ELAVL2: variants seen among roughly 807,000 people sequenced by gnomAD.
ELAVL2 encodes ELAV-like protein 2.
ELAVL2 carries 4 observed loss-of-function variants against 34.6 expected under a neutral mutation model. The observed-to-expected ratio is 0.12, with a 90% CI of 0.06 to 0.26. ELAVL2 has a LOEUF of 0.26. Ranked by LOEUF, ELAVL2 falls within the 10% of genes least tolerant of loss-of-function variation. The pLI, the probability that ELAVL2 is intolerant of heterozygous loss-of-function variation, is 1.00. For synonymous variants in ELAVL2, 193 were observed against 154.8 expected (o/e 1.25, Z -1.83); for missense variants, 432 against 442.8 (o/e 0.98, Z 0.22).
At chr9:23,766,511 C>T (rs1320062800) in intron 1 of ELAVL2, among the ~76,000 whole-genome samples, 2 of 152,072 alleles carry the variant, frequency 1.3e-5, no homozygotes, top group Non-Finnish European at 2.9e-5. Flanking sequence ...TTAACTGCCT[C>T]AGTCCCTTCT....
intron 1 of ELAVL2, among the ~76,000 whole-genome samples, chr9:23,764,720 A>C (rs1372643062): frequency 6.6e-6 from 1 of 152,094 alleles, no homozygotes; most frequent in African/African-American, 2.4e-5. Context: ...ACCATACCAA[A>C]ACTTTTTTTG....
intron 1 of ELAVL2, among the ~76,000 whole-genome samples, chr9:23,775,491 G>A (rs1160641393): frequency 1.3e-5 from 2 of 152,166 alleles, no homozygotes; most frequent in Non-Finnish European, 2.9e-5. Flanking sequence ...AATCAGTGCT[G>A]AGACCCCATC....
At chr9:23,835,399 C>A in the ELAVL2 span, among the ~76,000 whole-genome samples, 1 of 152,064 alleles carries the variant, frequency 6.6e-6, no homozygotes, top group Non-Finnish European at 1.5e-5. Flanking sequence ...CTACTTATCA[C>A]TCACCTCTCC....
intron 1 of ELAVL2, chr9:23,779,411 G>A (rs1191361723): frequency 6.1e-6 from 6 of 985,364 alleles, no homozygotes; most frequent in Non-Finnish European, 7.2e-6. Context: ...TTATAGCACA[G>A]CAATGGAAGA....
chr9:23,730,457 C>T (rs1248223961), intron 3 of ELAVL2, among the ~76,000 whole-genome samples: 2 of 152,084 alleles, frequency 1.3e-5, no homozygotes, highest in Non-Finnish European at 2.9e-5. Context: ...TTGTATAACC[C>T]ATGAGCTAAG....
chr9:23,789,006 C>T (rs1164761747), intron 1 of ELAVL2, among the ~76,000 whole-genome samples: 1 of 152,190 alleles, frequency 6.6e-6, no homozygotes, highest in African/African-American at 2.4e-5. Context: ...GGAGGAACTA[C>T]TGCCATCCAA....
chr9:23,780,017 A>C (rs1191034993), intron 1 of ELAVL2, among the ~76,000 whole-genome samples: 18 of 97,708 alleles, frequency 1.8e-4, no homozygotes, highest in African/African-American at 6.9e-4. Context: ...AAAAAAAAAA[A>C]AAAAAAAAAA....
At chr9:23,705,606 A>T (rs2039062603) in intron 3 of ELAVL2, among the ~76,000 whole-genome samples, 1 of 152,172 alleles carries the variant, frequency 6.6e-6, no homozygotes, top group South Asian at 2.1e-4. Context: ...GGTTTTGTGG[A>T]AGACAATTTT....
At chr9:23,847,736 A>T in the ELAVL2 span, among the ~76,000 whole-genome samples, 1 of 152,140 alleles carries the variant, frequency 6.6e-6, no homozygotes, top group Admixed American at 6.5e-5. Context: ...ATTGGCACAG[A>T]ATTATGGTGA....
intron 1 of ELAVL2, among the ~76,000 whole-genome samples, chr9:23,818,004 T>TAG (rs1220125901): frequency 2.0e-5 from 3 of 152,198 alleles, no homozygotes; most frequent in African/African-American, 7.2e-5. Flanking sequence ...ATAAACCGTC[T>TAG]AGTATCTCGA....
intron 2 of ELAVL2, among the ~76,000 whole-genome samples, chr9:23,745,623 C>G (rs892546696): frequency 5.3e-4 from 80 of 152,256 alleles, no homozygotes; most frequent in African/African-American, 1.8e-3. Flanking sequence ...GTCCAAAAAC[C>G]TAATGATGAC....
intron 3 of ELAVL2, among the ~76,000 whole-genome samples, chr9:23,729,454 AG>A (rs1447759153): frequency 6.6e-6 from 1 of 152,178 alleles, no homozygotes; most frequent in East Asian, 1.9e-4. Context: ...GTTACTTAAT[AG>A]TACTAGTAAA....
chr9:23,771,815 T>G (rs560334991), intron 1 of ELAVL2, among the ~76,000 whole-genome samples: 1 of 152,304 alleles, frequency 6.6e-6, no homozygotes, highest in Admixed American at 6.5e-5. Context: ...AATCTGTATT[T>G]TTCAACAGGG....
intron 3 of ELAVL2, among the ~76,000 whole-genome samples, chr9:23,721,322 T>C (rs1419169478): frequency 6.6e-6 from 1 of 152,210 alleles, no homozygotes; most frequent in African/African-American, 2.4e-5. Flanking sequence ...TCTCAATGAC[T>C]CTTTCTAGGA....
chr9:23,746,909 T>C (rs180869490), intron 2 of ELAVL2, among the ~76,000 whole-genome samples: 96 of 151,826 alleles, frequency 6.3e-4, no homozygotes, highest in African/African-American at 2.3e-3. Flanking sequence ...CAACAAATCA[T>C]TAGTGGACCA....
chr9:23,808,396 T>G (rs971729326), intron 1 of ELAVL2, among the ~76,000 whole-genome samples: 2 of 152,140 alleles, frequency 1.3e-5, no homozygotes, highest in Non-Finnish European at 2.9e-5. Flanking sequence ...ATGTGGCATA[T>G]AGCAAGATCA....
At chr9:23,837,593 G>C in the ELAVL2 span, among the ~76,000 whole-genome samples, 1 of 152,148 alleles carries the variant, frequency 6.6e-6, no homozygotes, top group African/African-American at 2.4e-5. Flanking sequence ...AATTAAAAGA[G>C]CTGGGATTTC....
chr9:23,703,685 T>C (rs1020808198), intron 4 of ELAVL2, among the ~76,000 whole-genome samples: 2 of 152,196 alleles, frequency 1.3e-5, no homozygotes, highest in South Asian at 2.1e-4. Flanking sequence ...CTGAAGTCAC[T>C]GCTTTAAAAG....
chr9:23,724,135 T>C (rs1008543687), intron 3 of ELAVL2, among the ~76,000 whole-genome samples: 1 of 152,198 alleles, frequency 6.6e-6, no homozygotes, highest in Non-Finnish European at 1.5e-5. Flanking sequence ...CTGTGGAGCA[T>C]GCTTAGGTAA....
Sources: gnomAD v4.1 joint callset for allele counts (sites outside exome capture counted in the v4.1 genomes callset) on GRCh38, gnomAD v4.1.1 for gene constraint, MANE v1.5 for transcripts, NCBI Gene and HGNC (gene_info 2026-07-23, HGNC 2026-07-21) for gene names.